NBEA: variants seen among roughly 807,000 people sequenced by gnomAD.
NBEA encodes lysosomal-trafficking regulator 2.
NBEA carries 44 observed loss-of-function variants against 343.4 expected under a neutral mutation model. The ratio of observed to expected loss-of-function variants is 0.13; its 90% CI spans 0.10 to 0.16. The LOEUF is 0.16. NBEA is among the 10% of genes least tolerant of loss of function. The pLI is 1.00. For synonymous variants in NBEA, 1,175 were observed against 1,238.7 expected (o/e 0.95, Z 1.08); for missense variants, 2,555 against 3,631.3 (o/e 0.70, Z 7.62).
chr13:35,571,856 G>A (rs2080444408), intron 45 of NBEA, among the ~76,000 whole-genome samples: 1 of 151,776 alleles, frequency 6.6e-6, no homozygotes, highest in South Asian at 2.1e-4. Flanking sequence ...TAGAACTTTA[G>A]GTGCACATTT....
intron 17 of NBEA, among the ~76,000 whole-genome samples, chr13:35,141,321 CA>C (rs1287204069): frequency 3.3e-5 from 5 of 152,078 alleles, no homozygotes; most frequent in Non-Finnish European, 2.9e-5. Context: ...GGCTGGAGTG[CA>C]GTGGCTCGAT....
At chr13:35,170,389 T>A (rs938028029) in intron 25 of NBEA, among the ~76,000 whole-genome samples, 1 of 151,826 alleles carries the variant, frequency 6.6e-6, no homozygotes, top group African/African-American at 2.4e-5. Context: ...TTTTTACTTA[T>A]GAAGTATTCC....
chr13:35,621,607 T>G (rs1450912193), intron 48 of NBEA, among the ~76,000 whole-genome samples: 1 of 152,188 alleles, frequency 6.6e-6, no homozygotes, highest in African/African-American at 2.4e-5. Flanking sequence ...TGTTCACTGC[T>G]ATAATCTTAC....
At chr13:35,020,843 AT>A (rs574793860) in intron 1 of NBEA, among the ~76,000 whole-genome samples, 16 of 151,834 alleles carry the variant, frequency 1.1e-4, no homozygotes, top group African/African-American at 2.7e-4. Context: ...TTATTGGTGG[AT>A]TTTTTTTATA....
chr13:35,630,065 T>TAAATAAA (rs1278833677), intron 49 of NBEA, among the ~76,000 whole-genome samples: 1 of 99,054 alleles, frequency 1.0e-5, no homozygotes, highest in East Asian at 2.4e-4. Context: ...ATAAAATAAA[T>TAAATAAA]TAAATAAATT....
At chr13:35,309,683 A>C (rs2152832681) in intron 36 of NBEA, 91 bp downstream of exon 36, 1 of 658,190 alleles carries the variant, frequency 1.5e-6, no homozygotes, top group Middle Eastern at 2.5e-4. Flanking sequence ...CCAAAAATGT[A>C]GAAGAAAATG....
chr13:35,541,725 G>GGTGTGTGTGTGT (rs3075505), intron 41 of NBEA, among the ~76,000 whole-genome samples: 1,763 of 145,196 alleles, frequency 0.012, 18 homozygotes, highest in East Asian at 0.032. Context: ...GGTCTGCATG[G>GGTGTGTGTGTGT]GTGTGTGTGT....
intron 41 of NBEA, among the ~76,000 whole-genome samples, chr13:35,509,373 CAGAG>C (rs112003801): frequency 6.0e-5 from 9 of 149,760 alleles, no homozygotes; most frequent in East Asian, 5.9e-4. Flanking sequence ...TGTGTAGAGT[CAGAG>C]AGAGAGAGAG....
intron 45 of NBEA, among the ~76,000 whole-genome samples, chr13:35,567,634 A>G (rs1195437901): frequency 6.6e-6 from 1 of 152,230 alleles, no homozygotes; most frequent in African/African-American, 2.4e-5. Context: ...CTATAGTCTA[A>G]GCTTACGCCA....
intron 36 of NBEA, among the ~76,000 whole-genome samples, chr13:35,343,485 C>A (rs949436470): frequency 2.0e-5 from 3 of 152,118 alleles, no homozygotes; most frequent in African/African-American, 7.2e-5. Flanking sequence ...AAAATCTGAT[C>A]ACATGGTTCA....
chr13:35,350,965 A>G (rs1381374715), intron 37 of NBEA, among the ~76,000 whole-genome samples: 1 of 151,970 alleles, frequency 6.6e-6, no homozygotes, highest in Non-Finnish European at 1.5e-5. Context: ...AGGAAGAAAA[A>G]TGAAAATTTA....
chr13:35,481,317 C>G (rs900840697), intron 41 of NBEA, among the ~76,000 whole-genome samples: 9 of 151,792 alleles, frequency 5.9e-5, no homozygotes, highest in African/African-American at 1.9e-4. Flanking sequence ...TGAAGTAATA[C>G]TGGATAACTA....
At chr13:35,353,297 T>G (rs945029158) in intron 38 of NBEA, among the ~76,000 whole-genome samples, 1 of 152,106 alleles carries the variant, frequency 6.6e-6, no homozygotes, top group African/African-American at 2.4e-5. Context: ...TAGCCAGGCG[T>G]GGTGGCGGGC....
At chr13:35,440,804 C>A (rs1324969238) in intron 39 of NBEA, among the ~76,000 whole-genome samples, 1 of 152,100 alleles carries the variant, frequency 6.6e-6, no homozygotes, top group Non-Finnish European at 1.5e-5. Context: ...ATACCAGTCT[C>A]TTACTCTACA....
chr13:35,664,902 T>TC (rs1243899485), intron 55 of NBEA, among the ~76,000 whole-genome samples, 183 bp from the exon 56 acceptor site: 22 of 152,262 alleles, frequency 1.4e-4, no homozygotes, highest in African/African-American at 5.1e-4. Context: ...TATAATAGAT[T>TC]CGCTAGTTAT....
intron 11 of NBEA, 110 bp downstream of exon 11, chr13:35,098,515 T>C (rs886463418): frequency 1.5e-6 from 1 of 651,690 alleles, no homozygotes; most frequent in Non-Finnish European, 2.6e-6. Flanking sequence ...GTAGAGATTA[T>C]ACTATTTGCT....
chr13:35,360,105 G>A (rs1417396003), intron 38 of NBEA, among the ~76,000 whole-genome samples: 1 of 151,964 alleles, frequency 6.6e-6, no homozygotes, highest in Non-Finnish European at 1.5e-5. Flanking sequence ...AGAGACAGGA[G>A]CAGGATTTGA....
intron 18 of NBEA, among the ~76,000 whole-genome samples, chr13:35,149,670 A>G (rs1251638990): frequency 6.6e-6 from 1 of 152,162 alleles, no homozygotes; most frequent in East Asian, 1.9e-4. Context: ...TTGGTCAATG[A>G]TGCCTATGTA....
intron 26 of NBEA, among the ~76,000 whole-genome samples, chr13:35,172,358 T>A (rs2152723212): frequency 6.6e-6 from 1 of 152,144 alleles, no homozygotes; most frequent in Admixed American, 6.6e-5. Flanking sequence ...AAGATCTTTC[T>A]GGCAACCAAG....
Sources: allele counts gnomAD v4.1 joint callset (sites outside exome capture counted in the v4.1 genomes callset), GRCh38; gene constraint gnomAD v4.1.1; transcripts MANE v1.5; gene names NCBI Gene and HGNC (gene_info 2026-07-23, HGNC 2026-07-21).